The following GDA variants were observed in gnomAD, a reference collection of about 807,000 sequenced individuals.
GDA encodes cytoplasmic PSD-95 interactor.
GDA carries 18 observed loss-of-function variants against 59.6 expected under a neutral mutation model. The ratio of observed to expected loss-of-function variants is 0.30; its 90% CI spans 0.21 to 0.45. The LOEUF (loss-of-function observed/expected upper bound fraction) is 0.45, where lower values mean the gene tolerates loss of function less well. Ranked by LOEUF, GDA falls within the 20% of genes least tolerant of loss-of-function variation. The pLI, the probability that GDA is intolerant of heterozygous loss-of-function variation, is 1.00. For missense variants in GDA, 427 were observed against 552.3 expected, an observed-to-expected ratio of 0.77 and a Z score of 2.27; for synonymous variants, 201 against 201.1, an observed-to-expected ratio of 1.00 and a Z score of 0.00.
Position 72,123,185 on chromosome 9 carries a change from C to CTT in GDA, c.-100+8367_-100+8368dup, listed in dbSNP as rs530381322. ...AGCTGTTTGTTTTCTTTTTTCTTCC[C>CTT]TTTTTTTTTTTTTTTTGAGACCGAG... On this transcript the variant is annotated intron_variant, in intron 1 of 13. Coordinates refer to the GDA transcript ENST00000545168. Among the ~76,000 whole-genome samples, 192 of 126,144 alleles carry CTT rather than the reference C, an allele frequency of 1.5e-3. 1 individual carries two copies. The highest frequency in any genetic ancestry group is 3.5e-3 in the African/African-American group (121 of 34,298). 82.8% of individuals were successfully genotyped at this position (126,144 alleles called of 152,430 possible).
intron 1 of GDA, among the ~76,000 whole-genome samples, chr9:72,152,394 C>A (rs1357416163): frequency 1.3e-5 from 2 of 152,158 alleles, no homozygotes; most frequent in Non-Finnish European, 2.9e-5. Flanking sequence ...ATCTAGCCAA[C>A]TTTTTGGTAT....
chr9:72,167,648 G>T (rs1257429153), intron 1 of GDA, among the ~76,000 whole-genome samples: 1 of 152,162 alleles, frequency 6.6e-6, no homozygotes, highest in South Asian at 2.1e-4. Flanking sequence ...CCCTCAGAAT[G>T]TACAGGTCTA....
At chr9:72,146,322 T>G (rs1400293083), upstream of GDA, among the ~76,000 whole-genome samples, 2 of 151,966 alleles carry the variant, frequency 1.3e-5, no homozygotes, top group Admixed American at 1.3e-4. Flanking sequence ...TCTTTTTTTC[T>G]GAAGGAAGTG....
intron 1 of GDA, among the ~76,000 whole-genome samples, chr9:72,128,734 T>C (rs1292019753): frequency 1.3e-5 from 2 of 152,222 alleles, no homozygotes; most frequent in Admixed American, 1.3e-4. Flanking sequence ...CCAGCATCTT[T>C]ATATAAGCAG....
chr9:72,239,097 G>A (rs1839330501), intron 10 of GDA, among the ~76,000 whole-genome samples: 1 of 152,154 alleles, frequency 6.6e-6, no homozygotes, highest in African/African-American at 2.4e-5. Flanking sequence ...TAGATGGAAG[G>A]GGAAAACTAC....
At chr9:72,252,247 GT>G (rs1266536497), downstream of GDA, 2 of 152,594 alleles carry the variant, frequency 1.3e-5, no homozygotes, top group East Asian at 3.9e-4. Flanking sequence ...AGTTCTCTCT[GT>G]TTGGTTTTGT....
chr9:72,125,342 T>TC (rs1825809300), intron 1 of GDA, among the ~76,000 whole-genome samples: 1 of 74,844 alleles, frequency 1.3e-5, no homozygotes, highest in Non-Finnish European at 3.5e-5. Context: ...CTCCCTCCCT[T>TC]CCTTCCTCTC....
intron 8 of GDA, among the ~76,000 whole-genome samples, chr9:72,226,357 T>G (rs987033633): frequency 6.6e-6 from 1 of 152,232 alleles, no homozygotes; most frequent in Non-Finnish European, 1.5e-5. Flanking sequence ...TTGATGTGTA[T>G]GTACATATGT....
chr9:72,214,078 T>C, intron 5 of GDA, 87 bp downstream of exon 5: 3 of 775,022 alleles, frequency 3.9e-6, no homozygotes, highest in Middle Eastern at 2.3e-4. Flanking sequence ...GGAAACAGGA[T>C]ACTGTTATCA....
intron 1 of GDA, among the ~76,000 whole-genome samples, chr9:72,123,509 C>G (rs1825742886): frequency 1.1e-5 from 1 of 88,328 alleles, no homozygotes; most frequent in Non-Finnish European, 2.1e-5. Flanking sequence ...TTTTTTGAGA[C>G]AGAATTTCGC....
At chr9:72,223,491 G>A (rs1030250613) in intron 7 of GDA, among the ~76,000 whole-genome samples, 3 of 152,138 alleles carry the variant, frequency 2.0e-5, no homozygotes, top group East Asian at 1.9e-4. Context: ...CAAGAAAATC[G>A]TTTTAAGTAG....
chr9:72,153,066 G>A (rs1048897497), intron 1 of GDA, among the ~76,000 whole-genome samples: 125 of 152,250 alleles, frequency 8.2e-4, no homozygotes, highest in Non-Finnish European at 1.6e-3. Flanking sequence ...CCCATTGCTT[G>A]TTTTTCTCAG....
chr9:72,149,782 A>G, intron 1 of GDA, 100 bp downstream of exon 1: 1 of 1,244,912 alleles, frequency 8.0e-7, no homozygotes, highest in Non-Finnish European at 1.1e-6. Context: ...CTCGGTGCGC[A>G]GTGAGCGCCG....
At chr9:72,135,755 C>T (rs11792095) in intron 1 of GDA, among the ~76,000 whole-genome samples, 24,566 of 151,744 alleles carry the variant, frequency 0.16, 2,177 homozygotes, top group Middle Eastern at 0.22. Flanking sequence ...GGATTATAGG[C>T]ACCCCCCACT....
At chr9:72,157,018 C>A (rs1827975015) in intron 1 of GDA, among the ~76,000 whole-genome samples, 1 of 144,576 alleles carries the variant, frequency 6.9e-6, no homozygotes, top group Admixed American at 6.9e-5. Context: ...TACTATCAGA[C>A]TTCTAGACTT....
chr9:72,149,631 C>T lies in GDA; in HGVS notation c.72C>T (p.Cys24=), dbSNP rs1212975614. Residue 24 remains cysteine (C), a synonymous_variant, in exon 1 of 14, where the codon TGC becomes TGT. Transcript: ENST00000358399. ...RGTFVHSTWT[C]PMEVLRDHLL... The stretch of plus-strand genomic sequence containing the variant: ...CGTTCGTCCACTCCACCTGGACCTG[C>T]CCCATGGAGGTGCTGCGGGATCACC... 3 of 1,609,932 alleles carry T rather than the reference C, an allele frequency of 1.9e-6. No individual in the cohort carries two copies. The highest frequency in any genetic ancestry group is 3.3e-4 in the Middle Eastern group (2 of 6,048).
At chr9:72,226,051 G>A (rs912734848) in intron 8 of GDA, among the ~76,000 whole-genome samples, 3 of 151,028 alleles carry the variant, frequency 2.0e-5, no homozygotes, top group African/African-American at 4.9e-5. Flanking sequence ...AAATGGACCC[G>A]AAGTTTCATC....
chr9:72,238,912 T>C (rs1839307618), intron 10 of GDA, among the ~76,000 whole-genome samples: 1 of 152,274 alleles, frequency 6.6e-6, no homozygotes, highest in African/African-American at 2.4e-5. Flanking sequence ...TCTGAGAAAA[T>C]TGAGATTCAC....
At chr9:72,192,433 A>C (rs888780183) in intron 1 of GDA, among the ~76,000 whole-genome samples, 1 of 148,734 alleles carries the variant, frequency 6.7e-6, no homozygotes, top group Non-Finnish European at 1.5e-5. Flanking sequence ...GTTTTCACCA[A>C]GTTGGCCAGG....
Sources: allele counts gnomAD v4.1 joint callset (sites outside exome capture counted in the v4.1 genomes callset), GRCh38; gene constraint gnomAD v4.1.1; transcripts MANE v1.5; gene names NCBI Gene and HGNC (gene_info 2026-07-23, HGNC 2026-07-21).